Variants in ABHD2 observed in about 807,000 individuals in gnomAD.
ABHD2 encodes abhydrolase domain containing 2, acylglycerol lipase.
A neutral mutation model predicts 48.1 loss-of-function variants in ABHD2; 20 were observed. The ratio of observed to expected loss-of-function variants is 0.42; its 90% confidence interval spans 0.29 to 0.60. The LOEUF (loss-of-function observed/expected upper bound fraction) is 0.60. Ranked by LOEUF, ABHD2 falls within the 20% of genes least tolerant of loss-of-function variation. The probability of loss-of-function intolerance (pLI) is 0.24; values close to 1 mark genes in which losing one functional copy is unlikely to be tolerated. For missense variants in ABHD2, 405 were observed against 550.9 expected, an observed-to-expected ratio of 0.74 and a Z score of 2.65; for synonymous variants, 209 against 214.2, an observed-to-expected ratio of 0.98 and a Z score of 0.21.
At chr15:89,107,799 A>G (rs1282644596) in intron 1 of ABHD2, among the ~76,000 whole-genome samples, 2 of 152,048 alleles carry the variant, frequency 1.3e-5, no homozygotes, top group Non-Finnish European at 2.9e-5. Context: ...CTTGAGAGGT[A>G]TTTGCCTTAG....
Position 89,189,018 on chromosome 15 carries a change from T to C in ABHD2, c.926+715T>C, listed in dbSNP as rs963058973. On this transcript the variant is annotated intron_variant, in intron 8 of 10. Coordinates refer to ENST00000352732, the MANE Select transcript of ABHD2 (RefSeq NM_152924.5). The surrounding 1 kb of genome is among the most constrained non-coding windows in gnomAD (Gnocchi z 4.9). ...GTGTGAGACACAAATACTGCCCACTTCATTCATCTACTCTTTATCTGCCTC... is the reference window on the plus strand; with the variant it reads ...GTGTGAGACACAAATACTGCCCACTCCATTCATCTACTCTTTATCTGCCTC... 3.3e-5 allele frequency among the ~76,000 whole-genome samples: 5 copies of C among 152,194 alleles called. No individual in the cohort carries two copies. The highest frequency in any genetic ancestry group is 2.0e-4 in the Admixed American group (3 of 15,270).
the ABHD2 span, among the ~76,000 whole-genome samples, chr15:89,063,476 CT>C: frequency 1.3e-5 from 2 of 151,974 alleles, no homozygotes; most frequent in African/African-American, 4.8e-5. Context: ...CTGCCAGACT[CT>C]TTTCCTATAT....
upstream of ABHD2, among the ~76,000 whole-genome samples, chr15:89,083,362 TGAC>T (rs1396753433): frequency 2.6e-5 from 4 of 152,236 alleles, no homozygotes; most frequent in Admixed American, 6.5e-5. This position sits in a 1 kb window ranked among gnomAD's most constrained non-coding sequence, Gnocchi z 5.1. Context: ...TAATTAAGAA[TGAC>T]ATCAGGAAGA....
rs574939445 is a variant in ABHD2, at chr15:89,201,871, G to A, written c.*6448G>A. On this transcript the variant is annotated 3_prime_UTR_variant, in exon 11 of 11. Transcript: ENST00000352732. ...CGGGGGACGATGGCGAGAGGGGAGGGGGAGCGAGTTCGCATCTCTCCTTTT... is the reference window on the plus strand; with the variant it reads ...CGGGGGACGATGGCGAGAGGGGAGGAGGAGCGAGTTCGCATCTCTCCTTTT... The A allele has an allele frequency of 2.8e-4, 209 of 744,048 alleles. No homozygotes were observed. In the South Asian group the frequency reaches 3.3e-3, roughly 12 times the overall value. The allele number at this position is 744,048 out of a possible 1,614,324, so 46.1% of individuals were successfully genotyped here.
rs543486647 is a variant in ABHD2, at chr15:89,167,060, G to A, written c.539-8752G>A. ...AGGACCCTCTTGGAGAGACTAGGAT[G>A]TAGGGTTACCTACCTTTAGCATGCT... On this transcript the variant is annotated intron_variant, in intron 5 of 10. Coordinates refer to ENST00000352732, the MANE Select transcript of ABHD2 (RefSeq NM_152924.5). The surrounding 1 kb of genome is among the most constrained non-coding windows in gnomAD (Gnocchi z 5.5). Among the ~76,000 whole-genome samples, 2 of 152,160 alleles carry A rather than the reference G, an allele frequency of 1.3e-5. No individual in the cohort carries two copies. Among genetic ancestry groups the A allele is most frequent in the African/African-American group, 2.4e-5 (1 of 41,436 alleles).
rs149284327 is a variant in ABHD2 at position 89,174,664 on chromosome 15, T to C, written c.539-1148T>C. On this transcript the variant is annotated intron_variant, in intron 5 of 10. Coordinates refer to ENST00000352732, the MANE Select transcript of ABHD2 (RefSeq NM_152924.5). This position sits in a 1 kb window ranked among gnomAD's most constrained non-coding sequence, Gnocchi z 4.1. ...CCAAAGTCAACAACTCCCGTTTCCATTGTAAATCCGTACTCTTCTCATGCC... is the reference window on the plus strand; with the variant it reads ...CCAAAGTCAACAACTCCCGTTTCCACTGTAAATCCGTACTCTTCTCATGCC... Among the ~76,000 whole-genome samples, 144 of 152,348 alleles carry C rather than the reference T, an allele frequency of 9.5e-4. 3 individuals carry two copies. The East Asian group carries it at 0.012, about 12-fold the overall frequency.
Position 89,196,987 on chromosome 15 carries a change from A to G in ABHD2, c.*1564A>G, listed in dbSNP as rs373394280. 1 of 152,538 alleles carries G rather than the reference A, an allele frequency of 6.6e-6. No homozygotes were observed. Among genetic ancestry groups the G allele is most frequent in the East Asian group, 1.9e-4 (1 of 5,186 alleles). 9.4% of individuals were successfully genotyped at this position (152,538 alleles called of 1,614,324 possible). A position where few individuals can be genotyped will look rare whatever the true frequency, so the allele number is the denominator to read the frequency against. On this transcript the variant is annotated 3_prime_UTR_variant, in exon 11 of 11. Coordinates refer to ENST00000352732, the MANE Select transcript of ABHD2 (RefSeq NM_152924.5). ...TTTAAAAAGATATTTTTCCTCCTTC[A>G]TCTCCTTTGACTCCAGGACAGACTG...
intron 6 of ABHD2, among the ~76,000 whole-genome samples, chr15:89,178,713 A>T (rs979649076): frequency 1.3e-5 from 2 of 152,214 alleles, no homozygotes; most frequent in Non-Finnish European, 2.9e-5. Flanking sequence ...ATCACCTGGT[A>T]TCCGGCAGAC....
intron 3 of ABHD2, among the ~76,000 whole-genome samples, chr15:89,140,548 T>C (rs1394486652): frequency 2.0e-5 from 3 of 152,156 alleles, no homozygotes; most frequent in Non-Finnish European, 4.4e-5. Context: ...ATTTAACTTA[T>C]GCAAATTCAA....
Position 89,092,671 on chromosome 15 carries a change from T to G in ABHD2, c.-107+4108T>G, listed in dbSNP as rs1386657147. Reference sequence around the variant, plus strand: ...GTCCCTGAACTTCCAAGGGATTTTATACATCTGTAAGCAAATTCGTTAAAC... The same window carrying G: ...GTCCCTGAACTTCCAAGGGATTTTAGACATCTGTAAGCAAATTCGTTAAAC... On this transcript the variant is annotated intron_variant, in intron 1 of 10. Transcript: ENST00000352732. This position sits in a 1 kb window ranked among gnomAD's most constrained non-coding sequence, Gnocchi z 4.4. Among the ~76,000 whole-genome samples the G allele has an allele frequency of 6.6e-6, 1 of 152,256 alleles. No homozygotes were observed. Among genetic ancestry groups the G allele is most frequent in the Non-Finnish European group, 1.5e-5 (1 of 68,050 alleles).
intron 3 of ABHD2, among the ~76,000 whole-genome samples, chr15:89,127,125 C>T (rs1019612773): frequency 2.6e-5 from 4 of 152,162 alleles, no homozygotes; most frequent in African/African-American, 4.8e-5. Context: ...CTCAGAGGCC[C>T]TCCATCTGCC....
At chr15:89,088,071 G>C (rs1273779918), upstream of ABHD2, 2 of 152,170 alleles carry the variant, frequency 1.3e-5, no homozygotes, top group Admixed American at 1.3e-4. The surrounding 1 kb of genome is among the most constrained non-coding windows in gnomAD (Gnocchi z 6.8). Flanking sequence ...ACCTTACCCA[G>C]CCCTCTAAAG....
At chr15:89,095,281 C>G (rs1400802863) in intron 1 of ABHD2, among the ~76,000 whole-genome samples, 2 of 152,148 alleles carry the variant, frequency 1.3e-5, no homozygotes, top group Non-Finnish European at 2.9e-5. Flanking sequence ...GCTCGTTACT[C>G]TTTTTCTGGG....
intron 4 of ABHD2, among the ~76,000 whole-genome samples, chr15:89,153,647 T>G (rs1271918257): frequency 6.6e-6 from 1 of 152,224 alleles, no homozygotes; most frequent in Non-Finnish European, 1.5e-5. Context: ...GTACCTAAGA[T>G]GTACTTTAAG....
chr15:89,131,141 C>A (rs1406369695), intron 3 of ABHD2, among the ~76,000 whole-genome samples: 2 of 152,226 alleles, frequency 1.3e-5, no homozygotes, highest in Non-Finnish European at 2.9e-5. Context: ...ACAAATTCAT[C>A]ATGCCATGCC....
chr15:89,138,542 C>T (rs546685046), intron 3 of ABHD2, among the ~76,000 whole-genome samples: 2 of 152,226 alleles, frequency 1.3e-5, no homozygotes, highest in East Asian at 3.9e-4. Flanking sequence ...AATTAATTAG[C>T]CCCCAGATGT....
chr15:89,147,149 T>C (rs2050505377), intron 3 of ABHD2, among the ~76,000 whole-genome samples: 1 of 152,144 alleles, frequency 6.6e-6, no homozygotes, highest in Non-Finnish European at 1.5e-5. Flanking sequence ...ATATTAAAGA[T>C]GTCCACTGAA....
chr15:89,052,548 CAG>C, the ABHD2 span, among the ~76,000 whole-genome samples: 7,918 of 145,956 alleles, frequency 0.054, 391 homozygotes, highest in African/African-American at 0.14. Flanking sequence ...GACAGACAGA[CAG>C]ACAGACAGAC....
Position 89,185,609 on chromosome 15 carries a change from G to A in ABHD2, c.815+93G>A, listed in dbSNP as rs2051194142. On this transcript the variant is annotated intron_variant, in intron 7 of 10. Coordinates refer to ENST00000352732, the MANE Select transcript of ABHD2 (RefSeq NM_152924.5). This position sits in a 1 kb window ranked among gnomAD's most constrained non-coding sequence, Gnocchi z 5.9. ...AAAGCCAGGACTCCTGTTCCTTCAG[G>A]GGAAAAAAAAAAATGCAGGTGTGGT... 3 of 1,118,428 alleles carry A rather than the reference G, an allele frequency of 2.7e-6. No homozygotes were observed. Among genetic ancestry groups the A allele is most frequent in the Admixed American group, 2.3e-5 (1 of 44,364 alleles). The allele number at this position is 1,118,428 out of a possible 1,614,324, so 69.3% of individuals were successfully genotyped here. A position where few individuals can be genotyped will look rare whatever the true frequency, so the allele number is the denominator to read the frequency against.
Sources: allele counts gnomAD v4.1 joint callset (sites outside exome capture counted in the v4.1 genomes callset), GRCh38; gene constraint gnomAD v4.1.1; non-coding constraint Gnocchi (gnomAD v3.1); transcripts MANE v1.5; gene names NCBI Gene and HGNC (gene_info 2026-07-23, HGNC 2026-07-21).